KSR1: variants seen among roughly 807,000 people sequenced by gnomAD.
The protein encoded by KSR1 is kinase suppressor of ras 1, also known as kinase suppressor of ras.
KSR1 carries 35 observed loss-of-function variants against 92.9 expected under a neutral mutation model. That is an observed-to-expected ratio of 0.38 (90% CI 0.29 to 0.50). The LOEUF (loss-of-function observed/expected upper bound fraction) is 0.50, where lower values mean the gene tolerates loss of function less well. Among genes scored for constraint, KSR1 ranks in the 20% least tolerant of loss-of-function variants. The pLI is 0.94. For missense variants in KSR1, 972 were observed against 1,158.5 expected, an observed-to-expected ratio of 0.84 and a Z score of 2.34; for synonymous variants, 467 against 472.6, an observed-to-expected ratio of 0.99 and a Z score of 0.15.
chr17:27,556,542 C>T (rs2071602478), intron 2 of KSR1, among the ~76,000 whole-genome samples: 2 of 152,206 alleles, frequency 1.3e-5, no homozygotes, highest in Non-Finnish European at 2.9e-5. Flanking sequence ...TTTAATGAGA[C>T]TCTCATTCCA....
intron 18 of KSR1, among the ~76,000 whole-genome samples, chr17:27,614,503 C>A (rs1381937842): frequency 6.6e-6 from 1 of 152,190 alleles, no homozygotes; most frequent in Non-Finnish European, 1.5e-5. Context: ...TGGAGCAGAG[C>A]TGAGCAAAGG....
At chr17:27,580,545 G>A (rs1160993326) in intron 3 of KSR1, among the ~76,000 whole-genome samples, 1 of 152,180 alleles carries the variant, frequency 6.6e-6, no homozygotes, top group Non-Finnish European at 1.5e-5. Context: ...AGAATCAGTA[G>A]CATTGTCGGG....
chr17:27,518,017 C>T (rs2069870554), intron 1 of KSR1, among the ~76,000 whole-genome samples: 1 of 152,210 alleles, frequency 6.6e-6, no homozygotes, highest in Non-Finnish European at 1.5e-5. Context: ...AGGCCAGATG[C>T]TCTTGATACA....
At chr17:27,587,320 G>A (rs1184154705) in intron 5 of KSR1, 2 of 152,212 alleles carry the variant, frequency 1.3e-5, no homozygotes, top group Admixed American at 1.3e-4. Context: ...GATGTGGGAG[G>A]ACTCAGTACC....
At position 27,611,599 on chromosome 17, in the gene KSR1, G is replaced by A; in HGVS notation, c.2463G>A (p.Leu821=). ...GCGGGGAAGGAATGAAGCGTGTCCT[G>A]ACTTCTGTCAGCTTGGGGAAGGAAG... ...IGSGEGMKRV[L]TSVSLGKEVS... is the part of the protein sequence containing the mutation. Residue 821 remains leucine (L), a synonymous_variant, in exon 18 of 21, where the codon CTG becomes CTA. Coordinates refer to ENST00000644974, the MANE Select transcript of KSR1 (RefSeq NM_001394583.1). The A allele has an allele frequency of 1.2e-6, 2 of 1,613,864 alleles. No individual in the cohort carries two copies. The highest frequency in any genetic ancestry group is 1.7e-6 in the Non-Finnish European group (2 of 1,179,804).
At chr17:27,574,158 A>G (rs2072416847) in intron 2 of KSR1, among the ~76,000 whole-genome samples, 1 of 152,208 alleles carries the variant, frequency 6.6e-6, no homozygotes. Flanking sequence ...GATAAGGTGA[A>G]GGTTGCTCTT....
chr17:27,477,498 G>C (rs947900983), intron 1 of KSR1, among the ~76,000 whole-genome samples: 2 of 152,184 alleles, frequency 1.3e-5, no homozygotes, highest in Non-Finnish European at 2.9e-5. Context: ...TAGAATTGTA[G>C]TCTGGCTGAT....
intron 1 of KSR1, among the ~76,000 whole-genome samples, chr17:27,527,687 C>T (rs917917128): frequency 4.6e-5 from 7 of 152,078 alleles, no homozygotes; most frequent in South Asian, 2.1e-4. Context: ...GAGCCATGCC[C>T]GGCCTGACTT....
intron 18 of KSR1, among the ~76,000 whole-genome samples, chr17:27,613,518 G>A (rs914773009): frequency 6.6e-6 from 1 of 152,200 alleles, no homozygotes; most frequent in African/African-American, 2.4e-5. Context: ...TGCATAAGGC[G>A]CGAATTCCTG....
At chr17:27,465,863 G>A (rs1242135995) in intron 1 of KSR1, among the ~76,000 whole-genome samples, 6 of 151,272 alleles carry the variant, frequency 4.0e-5, no homozygotes, top group Non-Finnish European at 5.9e-5. Context: ...TTGCCAATAA[G>A]GAAAAAAAAA....
intron 13 of KSR1, 104 bp from the exon 14 acceptor site, chr17:27,605,330 G>A: frequency 6.9e-7 from 1 of 1,441,588 alleles, no homozygotes; most frequent in East Asian, 2.5e-5. Context: ...CCCCTGGCAG[G>A]ATGCCTCTCT....
chr17:27,568,801 T>C (rs1010851818), intron 2 of KSR1, among the ~76,000 whole-genome samples: 1 of 152,210 alleles, frequency 6.6e-6, no homozygotes, highest in Non-Finnish European at 1.5e-5. Flanking sequence ...ATAGTGTCCC[T>C]GTTGAGGGGC....
intron 2 of KSR1, among the ~76,000 whole-genome samples, chr17:27,573,157 C>T (rs1406978929): frequency 6.6e-6 from 1 of 152,234 alleles, no homozygotes; most frequent in African/African-American, 2.4e-5. Context: ...CCTGGAAGCC[C>T]CATGTTCCTC....
At chr17:27,599,948 A>G (rs1276916679) in intron 10 of KSR1, among the ~76,000 whole-genome samples, 2 of 152,138 alleles carry the variant, frequency 1.3e-5, no homozygotes, top group Non-Finnish European at 2.9e-5. Context: ...GATCATCAAT[A>G]TCACTGTCTT....
intron 10 of KSR1, among the ~76,000 whole-genome samples, chr17:27,598,816 T>C (rs1311811863): frequency 6.6e-6 from 1 of 152,114 alleles, no homozygotes; most frequent in Non-Finnish European, 1.5e-5. Flanking sequence ...CTCTCCAAGA[T>C]CCTGTCTCTT....
intron 1 of KSR1, among the ~76,000 whole-genome samples, chr17:27,458,259 A>G (rs1365345811): frequency 1.3e-5 from 2 of 152,142 alleles, no homozygotes; most frequent in Non-Finnish European, 2.9e-5. Context: ...GATTTTTTGA[A>G]CACAGCTGAG....
intron 1 of KSR1, 101 bp downstream of exon 1, chr17:27,456,975 G>GC: frequency 1.4e-6 from 1 of 691,600 alleles, no homozygotes; most frequent in East Asian, 2.7e-5. Flanking sequence ...AGCCCGCGTC[G>GC]CCCCCCTTGG....
rs903486707 is a variant in KSR1, at chr17:27,456,592, C to A, written c.-52C>A. On this transcript the variant is annotated 5_prime_UTR_variant, in exon 1 of 21. Coordinates refer to ENST00000644974, the MANE Select transcript of KSR1 (RefSeq NM_001394583.1). The stretch of plus-strand genomic sequence containing the variant: ...CTGGCTCGGGGGTTCCTTGCCGAGG[C>A]GCCCGCGCCCCGGGCTCCCAGCCTC... The A allele has an allele frequency of 2.2e-6, 1 of 462,038 alleles. No homozygotes were observed. The highest frequency in any genetic ancestry group is 3.7e-6 in the Non-Finnish European group (1 of 268,142). 28.6% of individuals were successfully genotyped at this position (462,038 alleles called of 1,614,324 possible).
intron 1 of KSR1, among the ~76,000 whole-genome samples, chr17:27,531,066 G>A (rs565623089): frequency 1.3e-5 from 2 of 152,198 alleles, no homozygotes; most frequent in African/African-American, 2.4e-5. Flanking sequence ...TGTGCTGGGC[G>A]TTTCCTTGTC....
Sources: allele counts gnomAD v4.1 joint callset (sites outside exome capture counted in the v4.1 genomes callset), GRCh38; gene constraint gnomAD v4.1.1; transcripts MANE v1.5; gene names NCBI Gene and HGNC (gene_info 2026-07-23, HGNC 2026-07-21).